Variants in ATR observed in about 807,000 individuals in gnomAD.
The protein encoded by ATR is ATR checkpoint kinase.
A neutral mutation model predicts 305.3 loss-of-function variants in ATR; 142 were observed. The observed-to-expected ratio is 0.47, with a 90% CI of 0.41 to 0.53. ATR has a LOEUF of 0.53. ATR is among the 20% of genes least tolerant of loss of function. The probability of loss-of-function intolerance (pLI) is 0.00; values close to 1 mark genes in which losing one functional copy is unlikely to be tolerated. For synonymous variants in ATR, 1,050 were observed against 1,068.1 expected (o/e 0.98, Z 0.33); for missense variants, 2,135 against 3,133.1 (o/e 0.68, Z 7.60).
intron 21 of ATR, among the ~76,000 whole-genome samples, chr3:142,534,312 C>T (rs1305616114): frequency 6.6e-6 from 1 of 152,120 alleles, no homozygotes; most frequent in Non-Finnish European, 1.5e-5. Context: ...GGGATCATCT[C>T]CACACTGGCT....
intron 31 of ATR, among the ~76,000 whole-genome samples, 163 bp from the exon 32 acceptor site, chr3:142,498,937 A>G (rs1271673084): frequency 3.3e-5 from 5 of 151,178 alleles, no homozygotes; most frequent in African/African-American, 1.2e-4. Context: ...ATAGAGGGCT[A>G]TGGCATGATT....
In ATR at chr3:142,449,555, G is replaced by T. The variant is rs774810249; in HGVS notation, c.7809C>A (p.Ile2603=). ...GTCCTGTCACTCTATTTCGAGTCTT[G>T]ATTACACCTTGTAGTCGCTGCTCAA... ...LDIEQRLQGV[I]KTRNRVTGLP... is the part of the protein sequence containing the mutation. Residue 2603 remains isoleucine (I), a synonymous_variant, in exon 47 of 47, where the codon ATC becomes ATA. Transcript: ENST00000350721. 6.2e-7 allele frequency: 1 copy of T among 1,614,086 alleles called. No homozygotes were observed. The highest frequency in any genetic ancestry group is 2.2e-5 in the East Asian group (1 of 44,862).
At chr3:142,511,319 A>T (rs919301855) in intron 27 of ATR, among the ~76,000 whole-genome samples, 2 of 152,126 alleles carry the variant, frequency 1.3e-5, no homozygotes, top group Non-Finnish European at 2.9e-5. Context: ...TCTGTTCATC[A>T]TCTCATTTAT....
chr3:142,467,805 T>A, intron 39 of ATR, 129 bp downstream of exon 39: 1 of 1,051,746 alleles, frequency 9.5e-7, no homozygotes, highest in Non-Finnish European at 1.3e-6. Context: ...ATAATTAAAA[T>A]ATACATTTTG....
chr3:142,561,607 T>C (rs1054704173), intron 4 of ATR, among the ~76,000 whole-genome samples, 186 bp from the exon 5 acceptor site: 3 of 152,220 alleles, frequency 2.0e-5, no homozygotes, highest in Admixed American at 6.5e-5. Context: ...TATGGTTCTA[T>C]AGTCTTAGAA....
At chr3:142,545,978 A>G (rs1404451797) in intron 16 of ATR, among the ~76,000 whole-genome samples, 1 of 152,130 alleles carries the variant, frequency 6.6e-6, no homozygotes, top group East Asian at 1.9e-4. Context: ...GAGATGATGA[A>G]AAGGTGAATA....
chr3:142,457,060 T>G (rs181594272), intron 45 of ATR, among the ~76,000 whole-genome samples: 6 of 152,278 alleles, frequency 3.9e-5, no homozygotes, highest in Admixed American at 3.3e-4. Flanking sequence ...AAATGTCTCT[T>G]AACTGATGAA....
At chr3:142,519,833 G>A (rs372901259) in intron 23 of ATR, 49 bp from the exon 24 acceptor site, 85 of 1,310,218 alleles carry the variant, frequency 6.5e-5, no homozygotes, top group Middle Eastern at 5.5e-4. Context: ...AGCAGATAAC[G>A]CTTTATATTC....
intron 36 of ATR, among the ~76,000 whole-genome samples, chr3:142,483,671 T>C (rs768706940): frequency 6.6e-6 from 1 of 151,794 alleles, no homozygotes; most frequent in Non-Finnish European, 1.5e-5. Context: ...ACCCCGTCTA[T>C]ACTAAAAATA....
At chr3:142,556,699 C>T (rs1157094725) in intron 8 of ATR, 124 bp from the exon 9 acceptor site, 2 of 908,240 alleles carry the variant, frequency 2.2e-6, no homozygotes, top group African/African-American at 1.7e-5. Context: ...TCAAGTAACA[C>T]TTAAAATACA....
At chr3:142,497,426 G>A (rs1018529363) in intron 32 of ATR, among the ~76,000 whole-genome samples, 2 of 151,948 alleles carry the variant, frequency 1.3e-5, no homozygotes, top group Admixed American at 6.6e-5. Flanking sequence ...GCATGGTAGC[G>A]TGCACCTGTA....
At chr3:142,536,009 C>T in intron 20 of ATR, 99 bp downstream of exon 20, 1 of 846,212 alleles carries the variant, frequency 1.2e-6, no homozygotes, top group East Asian at 2.5e-5. Context: ...ACTATATTAT[C>T]CCTAGATATG....
rs1577685490 is a variant in ATR, at chr3:142,553,890, C to A, written c.2467G>T (p.Ala823Ser). ...MEDPDKDVRV[A>S]FSGNIKHILE... ...ATGTGCTTGATATTTCCACTAAAAGCCACTCTAACATCTTTGTCTGGATCT... is the reference window on the plus strand; with the variant it reads ...ATGTGCTTGATATTTCCACTAAAAGACACTCTAACATCTTTGTCTGGATCT... Residue 823 changes from alanine to serine, a missense_variant, in exon 11 of 47, where the codon GCT becomes TCT. By Grantham distance (99) the Ala-to-Ser change is moderately conservative. Around this residue, in one of 9 missense-constraint regions of ATR, gnomAD observed 530 missense variants for 766.8 expected, o/e 0.69. Transcript: ENST00000350721. The A allele has an allele frequency of 1.2e-6, 2 of 1,613,510 alleles. No homozygotes were observed. Among genetic ancestry groups the A allele is most frequent in the Non-Finnish European group, 1.7e-6 (2 of 1,179,662 alleles).
intron 46 of ATR, chr3:142,452,093 C>T: frequency 9.8e-7 from 1 of 1,020,182 alleles, no homozygotes; most frequent in Non-Finnish European, 1.2e-6. Context: ...TCTTTTAGTT[C>T]TTTTAGAAGA....
chr3:142,552,931 G>C (rs537243898), intron 13 of ATR, among the ~76,000 whole-genome samples: 10 of 151,346 alleles, frequency 6.6e-5, no homozygotes, highest in Admixed American at 5.9e-4. Context: ...ACACATGGGG[G>C]GAACAACACA....
At chr3:142,552,305 TATAA>T (rs2034500230) in intron 13 of ATR, among the ~76,000 whole-genome samples, 1 of 22,054 alleles carries the variant, frequency 4.5e-5, no homozygotes, top group African/African-American at 1.5e-3. Context: ...CCCAAAGGAA[TATAA>T]AAAGGAATAT....
chr3:142,477,168 A>C (rs535614528), intron 36 of ATR, among the ~76,000 whole-genome samples: 1 of 152,206 alleles, frequency 6.6e-6, no homozygotes, highest in East Asian at 1.9e-4. Flanking sequence ...TCCCTGTCTT[A>C]TGCCAGTTTT....
At chr3:142,512,528 A>G (rs967161348) in intron 26 of ATR, 58 bp from the exon 27 acceptor site, 1 of 1,374,720 alleles carries the variant, frequency 7.3e-7, no homozygotes, top group South Asian at 1.5e-5. Flanking sequence ...TAACTATTAT[A>G]TGACATCTAA....
At chr3:142,475,089 T>C (rs1215017280) in intron 36 of ATR, among the ~76,000 whole-genome samples, 1 of 152,158 alleles carries the variant, frequency 6.6e-6, no homozygotes, top group East Asian at 1.9e-4. Context: ...ATACATGTTA[T>C]GTTTTATATA....
Sources: allele counts gnomAD v4.1 joint callset (sites outside exome capture counted in the v4.1 genomes callset), GRCh38; gene constraint gnomAD v4.1.1; regional missense constraint gnomAD v4.1.1; transcripts MANE v1.5; gene names NCBI Gene and HGNC (gene_info 2026-07-23, HGNC 2026-07-21).